PLXDC2: variants seen among roughly 807,000 people sequenced by gnomAD.
The protein encoded by PLXDC2 is plexin domain containing 2.
In PLXDC2, 40 loss-of-function variants were observed where a neutral mutation model predicts 68.9. That is an observed-to-expected ratio of 0.58 (90% CI 0.45 to 0.76). The LOEUF is 0.76. Ranked by LOEUF, PLXDC2 falls within the 30% of genes least tolerant of loss-of-function variation. PLXDC2 has a pLI of 0.00. For missense variants in PLXDC2, 644 were observed against 661.9 expected, an observed-to-expected ratio of 0.97 and a Z score of 0.30; for synonymous variants, 243 against 234.2, an observed-to-expected ratio of 1.04 and a Z score of -0.34.
rs1453677074 is a variant in PLXDC2, at chr10:19,958,987, C to T, written c.113-42788C>T. On this transcript the variant is annotated intron_variant, in intron 1 of 13. Transcript: ENST00000377252. Reference sequence around the variant, plus strand: ...ACAGATCATTAACCAGGTTTTGTGGCCTATGGCAGACAGCCTTCTGATTAG... The same window carrying T: ...ACAGATCATTAACCAGGTTTTGTGGTCTATGGCAGACAGCCTTCTGATTAG... Among the ~76,000 whole-genome samples, 4 of 152,108 alleles carry T rather than the reference C, an allele frequency of 2.6e-5. No individual in the cohort carries two copies. In the East Asian group the frequency reaches 5.8e-4, roughly 22 times the overall value.
intron 12 of PLXDC2, among the ~76,000 whole-genome samples, chr10:20,243,596 G>A (rs188706098): frequency 3.3e-5 from 5 of 152,222 alleles, no homozygotes; most frequent in East Asian, 1.9e-4. Flanking sequence ...CTGGAATTCC[G>A]TCAGTTCATG....
chr10:20,026,346 A>C (rs1485583191), intron 2 of PLXDC2, among the ~76,000 whole-genome samples: 1 of 152,158 alleles, frequency 6.6e-6, no homozygotes, highest in East Asian at 1.9e-4. Context: ...TGGCATTTCA[A>C]CTGCAAAGAC....
chr10:20,189,542 T>TAC (rs371344350), intron 9 of PLXDC2, among the ~76,000 whole-genome samples: 50,477 of 118,516 alleles, frequency 0.43, 11,350 homozygotes, highest in African/African-American at 0.65. Context: ...CACATATATA[T>TAC]ACACACACAC....
At chr10:19,945,968 A>G (rs1164986955) in intron 1 of PLXDC2, among the ~76,000 whole-genome samples, 1 of 152,236 alleles carries the variant, frequency 6.6e-6, no homozygotes, top group African/African-American at 2.4e-5. Flanking sequence ...AGACCATGCA[A>G]GACAACATGG....
At chr10:19,841,210 T>C (rs1407119187) in intron 1 of PLXDC2, among the ~76,000 whole-genome samples, 2 of 152,194 alleles carry the variant, frequency 1.3e-5, no homozygotes, top group Non-Finnish European at 2.9e-5. Flanking sequence ...CTTAGATTTG[T>C]TTTTATTCAT....
chr10:19,996,131 A>G (rs1429202506), intron 1 of PLXDC2, among the ~76,000 whole-genome samples: 1 of 152,118 alleles, frequency 6.6e-6, no homozygotes, highest in Non-Finnish European at 1.5e-5. Flanking sequence ...TTGTAAAAGG[A>G]AGAATATGAC....
chr10:19,858,680 G>GTC (rs1431886150), intron 1 of PLXDC2, among the ~76,000 whole-genome samples: 2 of 152,240 alleles, frequency 1.3e-5, no homozygotes, highest in African/African-American at 4.8e-5. Flanking sequence ...GGAGAAGAAA[G>GTC]TAAGCAGTGT....
chr10:19,821,672 G>T (rs764286043), intron 1 of PLXDC2, among the ~76,000 whole-genome samples: 8 of 152,216 alleles, frequency 5.3e-5, no homozygotes, highest in Non-Finnish European at 1.0e-4. Context: ...CACGTTGGGA[G>T]ACTTTTTAAA....
At chr10:19,914,054 G>C (rs1436378368) in intron 1 of PLXDC2, among the ~76,000 whole-genome samples, 2 of 150,522 alleles carry the variant, frequency 1.3e-5, no homozygotes, top group Non-Finnish European at 3.0e-5. Flanking sequence ...CAGGCAGAGG[G>C]AGAGCAGGAG....
intron 11 of PLXDC2, among the ~76,000 whole-genome samples, chr10:20,218,334 A>AAATG (rs1564357546): frequency 5.9e-5 from 7 of 118,802 alleles, no homozygotes; most frequent in African/African-American, 1.1e-4. Context: ...AAAATTAAAT[A>AAATG]TGGAACTTTT....
chr10:20,187,390 A>G (rs1275238694), intron 9 of PLXDC2, among the ~76,000 whole-genome samples: 6 of 151,864 alleles, frequency 4.0e-5, no homozygotes, highest in African/African-American at 1.4e-4. Context: ...TATAGGGTAC[A>G]GTGTGATATT....
At chr10:19,922,497 G>A (rs572348303) in intron 1 of PLXDC2, among the ~76,000 whole-genome samples, 1 of 152,282 alleles carries the variant, frequency 6.6e-6, no homozygotes, top group South Asian at 2.1e-4. Flanking sequence ...TATGAGTCAT[G>A]ATTCCACTTA....
At chr10:20,232,172 G>A (rs1835373911) in intron 12 of PLXDC2, among the ~76,000 whole-genome samples, 2 of 152,046 alleles carry the variant, frequency 1.3e-5, no homozygotes, top group South Asian at 2.1e-4. Flanking sequence ...AAACATGAAT[G>A]GGATACCATA....
intron 4 of PLXDC2, among the ~76,000 whole-genome samples, chr10:20,131,283 C>T (rs184063497): frequency 4.2e-4 from 63 of 151,668 alleles, no homozygotes; most frequent in African/African-American, 1.4e-3. Flanking sequence ...TGTATGTTTC[C>T]AGAAATTTAT....
At chr10:19,865,989 C>A (rs1360734556) in intron 1 of PLXDC2, among the ~76,000 whole-genome samples, 2 of 152,114 alleles carry the variant, frequency 1.3e-5, no homozygotes, top group Non-Finnish European at 2.9e-5. Context: ...CAAATTCACA[C>A]TTTCCCCCCT....
At chr10:19,847,667 C>T (rs570794151) in intron 1 of PLXDC2, among the ~76,000 whole-genome samples, 3 of 152,300 alleles carry the variant, frequency 2.0e-5, no homozygotes, top group Admixed American at 2.0e-4. Flanking sequence ...CTAATAATCC[C>T]AACCTCAATG....
intron 1 of PLXDC2, among the ~76,000 whole-genome samples, chr10:19,851,661 T>C (rs1837120113): frequency 6.6e-6 from 1 of 152,198 alleles, no homozygotes; most frequent in South Asian, 2.1e-4. Flanking sequence ...TTCTCATGTC[T>C]CAGCCTCCCC....
intron 1 of PLXDC2, among the ~76,000 whole-genome samples, chr10:19,835,792 G>A (rs1836778721): frequency 6.6e-6 from 1 of 152,114 alleles, no homozygotes; most frequent in African/African-American, 2.4e-5. Flanking sequence ...GAGGAATGGT[G>A]GCTAGCTGGT....
rs554925069 is a variant in PLXDC2 at position 20,136,745 on chromosome 10, A to G, written c.542-6550A>G. Among the ~76,000 whole-genome samples the G allele has an allele frequency of 1.4e-4, 22 of 152,360 alleles. No individual in the cohort carries two copies. The South Asian group carries it at 3.3e-3, about 23-fold the overall frequency. ...GACAGCATTAAACTACAAATGTTCA[A>G]TGCCCTACAGGCATACCCATCAACT... On this transcript the variant is annotated intron_variant, in intron 4 of 13. Coordinates refer to ENST00000377252, the MANE Select transcript of PLXDC2 (RefSeq NM_032812.9).
Sources: allele counts gnomAD v4.1 joint callset (sites outside exome capture counted in the v4.1 genomes callset), GRCh38; gene constraint gnomAD v4.1.1; transcripts MANE v1.5; gene names NCBI Gene and HGNC (gene_info 2026-07-23, HGNC 2026-07-21).